NAV2: variants seen among roughly 807,000 people sequenced by gnomAD.
The protein encoded by NAV2 is neuron navigator 2.
A neutral mutation model predicts 223.2 loss-of-function variants in NAV2; 54 were observed. The observed-to-expected ratio is 0.24, with a 90% CI of 0.19 to 0.30. The LOEUF (loss-of-function observed/expected upper bound fraction) is 0.30, where lower values mean the gene tolerates loss of function less well. NAV2 is among the 10% of genes least tolerant of loss of function. NAV2 has a pLI of 1.00. For missense variants in NAV2, 2,806 were observed against 3,147.5 expected (o/e 0.89, Z 2.60); for synonymous variants, 1,279 against 1,239.3 (o/e 1.03, Z -0.67).
At position 20,045,131 on chromosome 11, in the gene NAV2, G is replaced by A. The variant is rs750354520; in HGVS notation, c.3363G>A (p.Gly1121=). The change falls in exon 14 of 38, where the codon GGG becomes GGA. Residue 1121 remains glycine (G), a synonymous_variant. Transcript: ENST00000349880. ...RTPTANANSF[G]FKKQSGSAAG... ...CTACTGCCAATGCCAACAGCTTTGG[G>A]TTCAAGAAGCAGAGTGGTTCCGCCG... 1 of 1,614,160 alleles carries A rather than the reference G, an allele frequency of 6.2e-7. No homozygotes were observed. Among genetic ancestry groups the A allele is most frequent in the Non-Finnish European group, 8.5e-7 (1 of 1,180,012 alleles).
At chr11:20,029,242 G>A (rs188648303) in intron 11 of NAV2, among the ~76,000 whole-genome samples, 2 of 152,326 alleles carry the variant, frequency 1.3e-5, no homozygotes, top group East Asian at 3.9e-4. Context: ...AAGAAGAGAA[G>A]ACTGGGGCCT....
At chr11:19,689,199 C>G (rs1376012351) in intron 1 of NAV2, among the ~76,000 whole-genome samples, 1 of 152,196 alleles carries the variant, frequency 6.6e-6, no homozygotes, top group Non-Finnish European at 1.5e-5. Flanking sequence ...GTTATGAAAG[C>G]CAGGCTGAGC....
Position 19,960,739 on chromosome 11 carries a change from G to C in NAV2, c.2645+11659G>C, listed in dbSNP as rs569035256. On this transcript the variant is annotated intron_variant, in intron 10 of 37. Coordinates refer to ENST00000349880, the MANE Select transcript of NAV2 (RefSeq NM_145117.5). ...AGTGATTATCCTGCCTCAGCCTCCC[G>C]AGCAGCTGGGATTAGAGGCACATGC... Among the ~76,000 whole-genome samples, 6 of 151,906 alleles carry C rather than the reference G, an allele frequency of 3.9e-5. No individual in the cohort carries two copies. In the East Asian group the frequency reaches 1.2e-3, roughly 29 times the overall value.
At chr11:19,551,257 G>T (rs2044680559) in intron 1 of NAV2, among the ~76,000 whole-genome samples, 1 of 152,256 alleles carries the variant, frequency 6.6e-6, no homozygotes, top group African/African-American at 2.4e-5. Flanking sequence ...AGGCTCACTT[G>T]TCATTGAGAT....
intron 4 of NAV2, among the ~76,000 whole-genome samples, chr11:19,874,735 T>C (rs1404447759): frequency 1.3e-5 from 2 of 152,224 alleles, no homozygotes; most frequent in African/African-American, 4.8e-5. Flanking sequence ...AAAAGAAAAT[T>C]AAACAGTTAT....
At chr11:19,731,932 T>C (rs1217595575) in intron 1 of NAV2, among the ~76,000 whole-genome samples, 2 of 152,150 alleles carry the variant, frequency 1.3e-5, no homozygotes, top group East Asian at 3.9e-4. Context: ...TTAGGAATGC[T>C]TGGGCCCCAT....
intron 10 of NAV2, 40 bp from the exon 11 acceptor site, chr11:19,984,084 CT>C: frequency 6.2e-7 from 1 of 1,613,294 alleles, no homozygotes; most frequent in Non-Finnish European, 8.5e-7. Flanking sequence ...AAGCCACTTG[CT>C]TTGGACATTC....
At chr11:19,774,002 A>T (rs2055928337) in intron 1 of NAV2, among the ~76,000 whole-genome samples, 2 of 152,216 alleles carry the variant, frequency 1.3e-5, no homozygotes, top group South Asian at 4.1e-4. Context: ...AGCCTACCAA[A>T]TAACCCCATG....
chr11:19,366,198 G>A (rs1848273466), intron 1 of NAV2, among the ~76,000 whole-genome samples: 1 of 152,196 alleles, frequency 6.6e-6, no homozygotes, highest in African/African-American at 2.4e-5. Flanking sequence ...CAGTCATTAG[G>A]GGTCAGGTTA....
At chr11:19,687,106 T>C (rs1378171744) in intron 1 of NAV2, among the ~76,000 whole-genome samples, 1 of 152,186 alleles carries the variant, frequency 6.6e-6, no homozygotes, top group African/African-American at 2.4e-5. Context: ...TCTAGGAACA[T>C]GAAACTGCCC....
intron 1 of NAV2, among the ~76,000 whole-genome samples, chr11:19,598,107 A>C (rs1380155011): frequency 1.3e-5 from 2 of 152,228 alleles, no homozygotes; most frequent in Non-Finnish European, 2.9e-5. Context: ...GCCCCCTGAC[A>C]GTGACAGGCA....
At chr11:19,690,019 G>A (rs1211470359) in intron 1 of NAV2, among the ~76,000 whole-genome samples, 1 of 152,188 alleles carries the variant, frequency 6.6e-6, no homozygotes, top group African/African-American at 2.4e-5. Flanking sequence ...TACCCAGGCT[G>A]GAGTGCAATG....
chr11:19,767,936 C>T (rs569866002), intron 1 of NAV2, among the ~76,000 whole-genome samples: 1 of 152,344 alleles, frequency 6.6e-6, no homozygotes, highest in African/African-American at 2.4e-5. Context: ...CTCTTCCCTG[C>T]AGACGGGCTT....
chr11:19,783,737 A>G (rs565092803), intron 1 of NAV2, among the ~76,000 whole-genome samples: 1 of 152,296 alleles, frequency 6.6e-6, no homozygotes, highest in South Asian at 2.1e-4. Context: ...CTGTAAAATG[A>G]TGATGATGAT....
chr11:19,469,487 AAAC>A (rs1458304926), intron 1 of NAV2, among the ~76,000 whole-genome samples: 1 of 152,124 alleles, frequency 6.6e-6, no homozygotes, highest in Middle Eastern at 3.2e-3. Context: ...CTACTAATTA[AAAC>A]ATCTGATCCA....
intron 3 of NAV2, among the ~76,000 whole-genome samples, chr11:19,860,827 G>A (rs2061721225): frequency 6.6e-6 from 1 of 152,028 alleles, no homozygotes; most frequent in Non-Finnish European, 1.5e-5. Context: ...TTAGGAGCTG[G>A]AGACCAGCCC....
At chr11:19,720,329 A>C (rs1047113431) in intron 1 of NAV2, among the ~76,000 whole-genome samples, 1 of 152,254 alleles carries the variant, frequency 6.6e-6, no homozygotes, top group Non-Finnish European at 1.5e-5. Context: ...TGAGTGACAC[A>C]AAGTTTTTTG....
intron 1 of NAV2, among the ~76,000 whole-genome samples, chr11:19,820,757 A>G (rs761837114): frequency 1.1e-4 from 16 of 152,284 alleles, no homozygotes; most frequent in Middle Eastern, 3.4e-3. Context: ...AACACCTACT[A>G]TGTGACAAGG....
At chr11:19,380,862 G>A (rs1043946368) in intron 1 of NAV2, among the ~76,000 whole-genome samples, 1 of 152,162 alleles carries the variant, frequency 6.6e-6, no homozygotes, top group Non-Finnish European at 1.5e-5. Context: ...CCTGGGACAT[G>A]GGACTCTCAG....
Sources: gnomAD v4.1 joint callset for allele counts (sites outside exome capture counted in the v4.1 genomes callset) on GRCh38, gnomAD v4.1.1 for gene constraint, MANE v1.5 for transcripts, NCBI Gene and HGNC (gene_info 2026-07-23, HGNC 2026-07-21) for gene names.